PCDHGA11: variants seen among roughly 807,000 people sequenced by gnomAD.
The protein encoded by PCDHGA11 is protocadherin gamma subfamily A, 11.
PCDHGA11 carries 39 observed loss-of-function variants against 60.4 expected under a neutral mutation model. The ratio of observed to expected loss-of-function variants is 0.65; its 90% CI spans 0.50 to 0.84. PCDHGA11 has a LOEUF of 0.84. PCDHGA11 is among the 40% of genes least tolerant of loss of function. The pLI is 0.00. For missense variants in PCDHGA11, 1,165 were observed against 1,197.7 expected, an observed-to-expected ratio of 0.97 and a Z score of 0.40; for synonymous variants, 533 against 510.3, an observed-to-expected ratio of 1.04 and a Z score of -0.60.
chr5:141,472,188 G>C (rs779077950), intron 1 of PCDHGA11, among the ~76,000 whole-genome samples: 4 of 152,168 alleles, frequency 2.6e-5, no homozygotes, highest in Middle Eastern at 3.2e-3. Context: ...ATTGGAATTT[G>C]AATCTTTTTG....
chr5:141,460,576 G>A (rs2098992216), intron 1 of PCDHGA11, among the ~76,000 whole-genome samples: 1 of 152,082 alleles, frequency 6.6e-6, no homozygotes, highest in Non-Finnish European at 1.5e-5. Flanking sequence ...ACATATGTAG[G>A]TGTGGGTTTT....
chr5:141,432,126 C>T lies in PCDHGA11; in HGVS notation c.2433+8466C>T. ...AACCCGCCGGTCTTCCCTCAGGCCTCCTATTCCGCTTATATCCCAGAGAAC... is the reference window on the plus strand; with the variant it reads ...AACCCGCCGGTCTTCCCTCAGGCCTTCTATTCCGCTTATATCCCAGAGAAC... On this transcript the variant is annotated intron_variant, in intron 1 of 3. Coordinates refer to ENST00000398587, the MANE Select transcript of PCDHGA11 (RefSeq NM_018914.3). This position sits in a 1 kb window ranked among gnomAD's most constrained non-coding sequence, Gnocchi z 6.0. The T allele has an allele frequency of 1.2e-6, 2 of 1,614,144 alleles. No homozygotes were observed. Among genetic ancestry groups the T allele is most frequent in the Non-Finnish European group, 1.7e-6 (2 of 1,180,028 alleles).
Position 141,476,208 on chromosome 5 carries a change from C to T in PCDHGA11, c.2434-18599C>T, listed in dbSNP as rs1266601125. The T allele has an allele frequency of 6.2e-7, 1 of 1,613,794 alleles. No homozygotes were observed. ...CTTGGTGCCTTGAACAAGGCTTCCA[C>T]GGTCATTCACTATGAGATCCCGGAG... On this transcript the variant is annotated intron_variant, in intron 1 of 3. Coordinates refer to ENST00000398587, the MANE Select transcript of PCDHGA11 (RefSeq NM_018914.3). The surrounding 1 kb of genome is among the most constrained non-coding windows in gnomAD (Gnocchi z 7.6).
Position 141,421,557 on chromosome 5 carries a change from C to T in PCDHGA11, c.330C>T (p.Leu110=), listed in dbSNP as rs764010392. ...CCTGTTTTTTAAATATGGAACTTCT[C>T]GTGGAAGACACCTTGAAGATTTACG... ...VSSCFLNMEL[L]VEDTLKIYGV... is the part of the protein sequence containing the mutation. The change falls in exon 1 of 4, where the codon CTC becomes CTT. Residue 110 remains leucine (L), a synonymous_variant. Transcript: ENST00000398587. The T allele has an allele frequency of 6.2e-7, 1 of 1,613,932 alleles. No individual in the cohort carries two copies. The highest frequency in any genetic ancestry group is 1.1e-5 in the South Asian group (1 of 91,082).
rs1475572413 is a variant in PCDHGA11, at chr5:141,432,843, T to G, written c.2433+9183T>G. The G allele has an allele frequency of 6.2e-7, 1 of 1,614,066 alleles. No homozygotes were observed. The highest frequency in any genetic ancestry group is 8.5e-7 in the Non-Finnish European group (1 of 1,180,020). ...TCAGACCTCACTCTGTACCTGGTGGTAGCGGTGGCCGCGGTCTCCTGCGTC... is the reference window on the plus strand; with the variant it reads ...TCAGACCTCACTCTGTACCTGGTGGGAGCGGTGGCCGCGGTCTCCTGCGTC... On this transcript the variant is annotated intron_variant, in intron 1 of 3. Coordinates refer to ENST00000398587, the MANE Select transcript of PCDHGA11 (RefSeq NM_018914.3). This position sits in a 1 kb window ranked among gnomAD's most constrained non-coding sequence, Gnocchi z 6.0.
chr5:141,490,960 T>C lies in PCDHGA11; in HGVS notation c.2434-3847T>C. 1.9e-6 allele frequency: 3 copies of C among 1,613,794 alleles called. No homozygotes were observed. The highest frequency in any genetic ancestry group is 2.2e-5 in the South Asian group (2 of 91,030). On this transcript the variant is annotated intron_variant, in intron 1 of 3. Transcript: ENST00000398587. The surrounding 1 kb of genome is among the most constrained non-coding windows in gnomAD (Gnocchi z 5.4). ...GCACCCACGGCCAGACTGGGAACACTCAGCCCCCCAGCGTCTCCCTCGCTC... is the reference window on the plus strand; with the variant it reads ...GCACCCACGGCCAGACTGGGAACACCCAGCCCCCCAGCGTCTCCCTCGCTC...
intron 1 of PCDHGA11, among the ~76,000 whole-genome samples, chr5:141,481,095 C>T (rs1456056389): frequency 1.3e-5 from 2 of 152,120 alleles, no homozygotes; most frequent in African/African-American, 2.4e-5. Context: ...AAAAGCAGTA[C>T]TCTGGAACCT....
chr5:141,449,584 G>C (rs2098645697), intron 1 of PCDHGA11, among the ~76,000 whole-genome samples: 1 of 123,190 alleles, frequency 8.1e-6, no homozygotes, highest in South Asian at 2.5e-4. Context: ...GCAAGACTCT[G>C]TCTCAAAAAA....
chr5:141,489,610 C>G lies in PCDHGA11; in HGVS notation c.2434-5197C>G, dbSNP rs142775705. 3,083 of 1,614,088 alleles carry G rather than the reference C, an allele frequency of 1.9e-3. 6 individuals are homozygous for G. Among genetic ancestry groups the G allele is most frequent in the Non-Finnish European group, 2.4e-3 (2,793 of 1,179,988 alleles). ...GCTAATCCGTGTAGAGGTAGAGATC[C>G]TGGATCTCAATGACAACTCTCCTAG... On this transcript the variant is annotated intron_variant, in intron 1 of 3. Transcript: ENST00000398587. The surrounding 1 kb of genome is among the most constrained non-coding windows in gnomAD (Gnocchi z 4.5).
chr5:141,422,959 C>A lies in PCDHGA11; in HGVS notation c.1732C>A (p.Leu578Met). The change falls in exon 1 of 4, where the codon CTG (leucine) becomes ATG (methionine). Residue 578 changes from leucine (L) to methionine (M), a missense_variant. By Grantham distance (15) the Leu-to-Met change is conservative. Coordinates refer to ENST00000398587, the MANE Select transcript of PCDHGA11 (RefSeq NM_018914.3). Reference protein sequence around the residue: ...LPTDGSTGVELAPRSAEPGYL... With the variant: ...LPTDGSTGVEMAPRSAEPGYL... ...CACAGACGGCTCCACTGGCGTGGAG[C>A]TGGCGCCCCGCTCTGCGGAACCTGG... is the stretch of plus-strand genomic sequence containing the variant. 6.2e-7 allele frequency: 1 copy of A among 1,614,234 alleles called. No individual in the cohort carries two copies. The highest frequency in any genetic ancestry group is 1.1e-5 in the South Asian group (1 of 91,088).
In PCDHGA11 at chr5:141,511,979, T is replaced by C. The variant is rs1205375941; in HGVS notation, c.*806T>C. ...AGGAAGGGAAGTGTGTGGATGTGGA[T>C]GGTGGGGGCATGGACAAAGCTTGAC... On this transcript the variant is annotated 3_prime_UTR_variant, in exon 4 of 4. Transcript: ENST00000398587. The C allele has an allele frequency of 6.5e-5, 10 of 153,278 alleles. No individual in the cohort carries two copies. The highest frequency in any genetic ancestry group is 1.5e-4 in the Non-Finnish European group (10 of 68,568). The allele number at this position is 153,278 out of a possible 1,614,324, so 9.5% of individuals were successfully genotyped here.
chr5:141,440,535 G>C (rs1305958587), intron 1 of PCDHGA11: 1 of 152,154 alleles, frequency 6.6e-6, no homozygotes, highest in African/African-American at 2.4e-5. Flanking sequence ...CATGCACCAC[G>C]GTTCAGCAGG....
intron 1 of PCDHGA11, among the ~76,000 whole-genome samples, chr5:141,450,006 C>CTATTTT (rs70988802): frequency 0.12 from 16,177 of 132,696 alleles, 1,810 homozygotes; most frequent in African/African-American, 0.21. Flanking sequence ...TGCCATGTCT[C>CTATTTT]TTTTTTTTTT....
intron 1 of PCDHGA11, among the ~76,000 whole-genome samples, chr5:141,460,124 A>AAT (rs2098982741): frequency 6.6e-6 from 1 of 152,052 alleles, no homozygotes; most frequent in African/African-American, 2.4e-5. Context: ...TTATATATGT[A>AAT]ATATATATAT....
In PCDHGA11 at chr5:141,494,676, C is replaced by T. The variant is rs2099755997; in HGVS notation, c.2434-131C>T. On this transcript the variant is annotated intron_variant, in intron 1 of 3. Transcript: ENST00000398587. ...TTTGTCTTTGGAGATGAGTCCACCCCTGCCCCCTCTTAGTCCGTTTTCTTC... is the reference window on the plus strand; with the variant it reads ...TTTGTCTTTGGAGATGAGTCCACCCTTGCCCCCTCTTAGTCCGTTTTCTTC... 1.7e-5 allele frequency: 26 copies of T among 1,550,800 alleles called. No individual in the cohort carries two copies. In the South Asian group the frequency reaches 3.0e-4, roughly 18 times the overall value.
chr5:141,441,739 C>T, intron 1 of PCDHGA11: 1 of 365,272 alleles, frequency 2.7e-6, no homozygotes, highest in South Asian at 2.2e-5. Context: ...GACTAGCTCG[C>T]GCTCGGCGTC....
chr5:141,503,304 A>G (rs946582779), intron 2 of PCDHGA11, among the ~76,000 whole-genome samples: 1 of 152,150 alleles, frequency 6.6e-6, no homozygotes, highest in African/African-American at 2.4e-5. Flanking sequence ...ATTGCTCAAG[A>G]AAGAATTGTT....
At chr5:141,510,349 C>T (rs1461596705) in intron 3 of PCDHGA11, among the ~76,000 whole-genome samples, 1 of 148,468 alleles carries the variant, frequency 6.7e-6, no homozygotes, top group Non-Finnish European at 1.5e-5. Context: ...CACACACTTA[C>T]TAACGGAACT....
chr5:141,436,735 T>G (rs2097843412), intron 1 of PCDHGA11, among the ~76,000 whole-genome samples: 1 of 152,220 alleles, frequency 6.6e-6, no homozygotes, highest in Non-Finnish European at 1.5e-5. Context: ...AATAATGATT[T>G]TTGTGTGCTT....
Sources: gnomAD v4.1 joint callset for allele counts (sites outside exome capture counted in the v4.1 genomes callset) on GRCh38, gnomAD v4.1.1 for gene constraint, Gnocchi (gnomAD v3.1) non-coding constraint, MANE v1.5 for transcripts, NCBI Gene and HGNC (gene_info 2026-07-23, HGNC 2026-07-21) for gene names.